APBA1: variants seen among roughly 807,000 people sequenced by gnomAD.
APBA1 encodes the protein amyloid-beta A4 precursor protein-binding family A member 1.
A neutral mutation model predicts 86.6 loss-of-function variants in APBA1; 55 were observed. The ratio of observed to expected loss-of-function variants is 0.64; its 90% confidence interval spans 0.51 to 0.80. The LOEUF is 0.80. Ranked by LOEUF, APBA1 falls within the 30% of genes least tolerant of loss-of-function variation. The pLI, the probability that APBA1 is intolerant of heterozygous loss-of-function variation, is 0.00. For missense variants in APBA1, 1,090 were observed against 1,183.0 expected, an observed-to-expected ratio of 0.92 and a Z score of 1.15; for synonymous variants, 511 against 493.9, an observed-to-expected ratio of 1.03 and a Z score of -0.46.
chr9:69,499,024 G>T lies in APBA1; in HGVS notation c.1200+16987C>A, dbSNP rs146552948. 5.3e-3 allele frequency among the ~76,000 whole-genome samples: 811 copies of T among 152,196 alleles called. 10 individuals are homozygous for T. The highest frequency in any genetic ancestry group is 0.018 in the African/African-American group (765 of 41,518). The stretch of plus-strand genomic sequence containing the variant: ...GTTCCATTTCTGCTGTCCCAGCAGC[G>T]GGTCCTTTGGTTCTAAGGTTATGCT... On this transcript the variant is annotated intron_variant, in intron 2 of 12. Transcript: ENST00000265381.
intron 9 of APBA1, among the ~76,000 whole-genome samples, chr9:69,450,491 T>C (rs1834988530): frequency 6.6e-6 from 1 of 151,602 alleles, no homozygotes; most frequent in African/African-American, 2.4e-5. Context: ...CCCAACAGAG[T>C]GTGTATGTGT....
chr9:69,527,100 T>C lies in APBA1; in HGVS notation c.-69-9821A>G, dbSNP rs537712254. 4.2e-4 allele frequency among the ~76,000 whole-genome samples: 63 copies of C among 151,730 alleles called. No individual in the cohort carries two copies. The South Asian group carries it at 0.011, about 27-fold the overall frequency. On this transcript the variant is annotated intron_variant, in intron 1 of 12. Transcript: ENST00000265381. ...TAGAGTGGGGAAGGACAGAGGAGGG[T>C]ATGGGTTGAAAAATTACTGGGTACT...
chr9:69,443,758 T>C (rs1349682325), intron 10 of APBA1, among the ~76,000 whole-genome samples: 4 of 152,116 alleles, frequency 2.6e-5, no homozygotes, highest in Admixed American at 2.6e-4. Flanking sequence ...ACAGCAAGAT[T>C]CAATCCTATG....
At chr9:69,452,063 C>T in intron 9 of APBA1, 59 bp downstream of exon 9, 2 of 1,545,000 alleles carry the variant, frequency 1.3e-6, no homozygotes, top group South Asian at 2.4e-5. Flanking sequence ...GGGTGCCCCA[C>T]TTTCCAAGCC....
At chr9:69,631,573 T>C (rs1300653220) in intron 1 of APBA1, among the ~76,000 whole-genome samples, 1 of 152,248 alleles carries the variant, frequency 6.6e-6, no homozygotes, top group Admixed American at 6.5e-5. Flanking sequence ...TCCAAAGGAT[T>C]ATAAATCATG....
intron 11 of APBA1, 38 bp from the exon 12 acceptor site, chr9:69,432,714 C>T (rs1834626287): frequency 6.7e-7 from 1 of 1,496,946 alleles, no homozygotes; most frequent in Non-Finnish European, 8.9e-7. Context: ...TCATTGCAGA[C>T]AGTGCGGTGG....
intron 1 of APBA1, among the ~76,000 whole-genome samples, chr9:69,563,567 A>G (rs1836979956): frequency 6.6e-6 from 1 of 152,192 alleles, no homozygotes; most frequent in South Asian, 2.1e-4. Flanking sequence ...CCCATATATT[A>G]ATCTTTCTAC....
intron 5 of APBA1, among the ~76,000 whole-genome samples, 153 bp from the exon 6 acceptor site, chr9:69,458,341 G>T (rs1218425917): frequency 1.3e-5 from 2 of 152,222 alleles, no homozygotes; most frequent in Non-Finnish European, 2.9e-5. Context: ...CCAGTCTAAA[G>T]ATAATCAATG....
chr9:69,465,914 G>A (rs1186074667), intron 5 of APBA1, among the ~76,000 whole-genome samples: 1 of 152,198 alleles, frequency 6.6e-6, no homozygotes, highest in African/African-American at 2.4e-5. Flanking sequence ...TGAAGTGGCT[G>A]AGTGGATCCC....
chr9:69,611,020 C>T (rs1448147370), intron 1 of APBA1, among the ~76,000 whole-genome samples: 1 of 151,466 alleles, frequency 6.6e-6, no homozygotes, highest in Non-Finnish European at 1.5e-5. Context: ...GAGGTAAACT[C>T]ACTGCTTATG....
chr9:69,434,644 T>A (rs1160290475), intron 11 of APBA1, among the ~76,000 whole-genome samples: 1 of 150,464 alleles, frequency 6.6e-6, no homozygotes. Flanking sequence ...GAGGTGGAGG[T>A]TGCAGTGAGC....
intron 1 of APBA1, among the ~76,000 whole-genome samples, chr9:69,612,352 T>C (rs1024928699): frequency 1.3e-5 from 2 of 152,062 alleles, no homozygotes; most frequent in African/African-American, 4.8e-5. Flanking sequence ...CATTTAAAAA[T>C]GAACTTTTCC....
intron 1 of APBA1, among the ~76,000 whole-genome samples, chr9:69,522,532 C>T (rs1836269772): frequency 6.6e-6 from 1 of 152,244 alleles, no homozygotes; most frequent in South Asian, 2.1e-4. Flanking sequence ...AGACATGTAC[C>T]AGTCACTGTG....
At chr9:69,435,360 G>A (rs2133785538) in intron 11 of APBA1, among the ~76,000 whole-genome samples, 1 of 152,160 alleles carries the variant, frequency 6.6e-6, no homozygotes, top group Admixed American at 6.5e-5. Context: ...GATCCCTGAG[G>A]AATCGCCACA....
At chr9:69,634,841 A>G (rs199731468) in intron 1 of APBA1, among the ~76,000 whole-genome samples, 1 of 444 alleles carries the variant, frequency 2.3e-3, no homozygotes, top group Middle Eastern at 0.5. Flanking sequence ...GTGCAGAAGG[A>G]AAAAAAATTA....
At position 69,428,533 on chromosome 9, in the gene APBA1, G is replaced by A. The variant is rs1199256858; in HGVS notation, c.*2794C>T. On this transcript the variant is annotated 3_prime_UTR_variant, in exon 13 of 13. Transcript: ENST00000265381. ...GTGAACGTGGGAGTCCAACCCCAAA[G>A]CTGAGCCACCAGCACACCCTGGTGG... 1 of 152,268 alleles carries A rather than the reference G, an allele frequency of 6.6e-6. No individual in the cohort carries two copies. The highest frequency in any genetic ancestry group is 1.9e-4 in the East Asian group (1 of 5,198). 9.4% of individuals were successfully genotyped at this position (152,268 alleles called of 1,614,324 possible).
chr9:69,452,692 C>T (rs1289994149), intron 8 of APBA1, among the ~76,000 whole-genome samples: 2 of 152,204 alleles, frequency 1.3e-5, no homozygotes, highest in East Asian at 1.9e-4. Context: ...CAGGATTCAA[C>T]TCCAATTTAT....
chr9:69,498,126 T>C (rs973022381), intron 2 of APBA1, among the ~76,000 whole-genome samples: 10 of 152,048 alleles, frequency 6.6e-5, no homozygotes, highest in African/African-American at 2.2e-4. Flanking sequence ...GCAAAGGTGA[T>C]AGGATATCAC....
chr9:69,455,343 G>C (rs893924008), intron 8 of APBA1, among the ~76,000 whole-genome samples: 1 of 152,038 alleles, frequency 6.6e-6, no homozygotes, highest in African/African-American at 2.4e-5. Flanking sequence ...TAGGGCTGTG[G>C]CCTCCCCTGG....
Sources: gnomAD v4.1 joint callset for allele counts (sites outside exome capture counted in the v4.1 genomes callset) on GRCh38, gnomAD v4.1.1 for gene constraint, MANE v1.5 for transcripts, NCBI Gene and HGNC (gene_info 2026-07-23, HGNC 2026-07-21) for gene names.